CFTR: variants seen among roughly 807,000 people sequenced by gnomAD.
CFTR encodes the protein CF transmembrane conductance regulator, also known as cystic fibrosis transmembrane conductance regulator.
Under a neutral mutation model 171.6 loss-of-function variants are expected in CFTR, and 181 were observed. The ratio of observed to expected loss-of-function variants is 1.05; its 90% confidence interval spans 0.93 to 1.19. The LOEUF is 1.19. Ranked by LOEUF, CFTR falls within the 50% of genes most tolerant of loss-of-function variation. CFTR has a pLI of 0.00. For missense variants in CFTR, 1,968 were observed against 1,734.7 expected, an observed-to-expected ratio of 1.13 and a Z score of -2.39; for synonymous variants, 583 against 608.0, an observed-to-expected ratio of 0.96 and a Z score of 0.60.
intron 6 of CFTR, among the ~76,000 whole-genome samples, chr7:117,536,342 A>G (rs1287230599): frequency 1.3e-5 from 2 of 152,206 alleles, no homozygotes; most frequent in African/African-American, 2.4e-5. Context: ...GAGATAGCAT[A>G]TGGAATGAGT....
Position 117,606,800 on chromosome 7 carries a change from AC to A in CFTR, c.2988+48del, listed in dbSNP as rs780604505. ...TAAGTATGTCTGTATTATTAAAAAAACAATAACAAAAGCAAATGTGATTTTG... is the reference window on the plus strand; with the variant it reads ...TAAGTATGTCTGTATTATTAAAAAAAAATAACAAAAGCAAATGTGATTTTG... On this transcript the variant is annotated intron_variant, in intron 18 of 26. Transcript: ENST00000003084. The A allele has an allele frequency of 5.3e-5, 56 of 1,052,618 alleles. No individual in the cohort carries two copies. Among genetic ancestry groups the A allele is most frequent in the African/African-American group, 4.0e-4 (26 of 64,238 alleles). The allele number at this position is 1,052,618 out of a possible 1,614,324, so 65.2% of individuals were successfully genotyped here.
chr7:117,614,181 G>A (rs1792447771), intron 20 of CFTR, among the ~76,000 whole-genome samples: 1 of 151,894 alleles, frequency 6.6e-6, no homozygotes, highest in Non-Finnish European at 1.5e-5. Flanking sequence ...TGCAGATGCT[G>A]TTTGGACACT....
At chr7:117,666,825 C>T in intron 26 of CFTR, 83 bp from the exon 27 acceptor site, 1 of 1,174,830 alleles carries the variant, frequency 8.5e-7, no homozygotes. Context: ...CTTTTATTTT[C>T]CTTTGAGCCT....
At chr7:117,541,353 G>T (rs760808155) in intron 8 of CFTR, among the ~76,000 whole-genome samples, 32 of 152,284 alleles carry the variant, frequency 2.1e-4, no homozygotes, top group Non-Finnish European at 2.4e-4. Flanking sequence ...GGGAGAAAAT[G>T]AGAGAAACCA....
At chr7:117,498,956 A>G (rs188035941) in intron 1 of CFTR, among the ~76,000 whole-genome samples, 71 of 152,288 alleles carry the variant, frequency 4.7e-4, no homozygotes, top group African/African-American at 1.7e-3. Flanking sequence ...TAATTCCTCA[A>G]GTGTTAATTA....
intron 11 of CFTR, among the ~76,000 whole-genome samples, chr7:117,573,770 A>C (rs1791729711): frequency 6.6e-6 from 1 of 152,162 alleles, no homozygotes. Flanking sequence ...TTAATTGAAC[A>C]CAATATTAAA....
intron 1 of CFTR, 113 bp downstream of exon 1, chr7:117,480,260 A>G (rs1797981357): frequency 5.5e-6 from 5 of 912,996 alleles, no homozygotes; most frequent in Admixed American, 1.7e-5. Context: ...AAGATGCGCT[A>G]TCATTCATTG....
At chr7:117,618,478 T>TCACACACA (rs34610095) in intron 21 of CFTR, among the ~76,000 whole-genome samples, 3 of 148,208 alleles carry the variant, frequency 2.0e-5, no homozygotes, top group South Asian at 4.3e-4. Flanking sequence ...AGACTCCGTC[T>TCACACACA]CACACACACA....
chr7:117,553,694 T>A (rs1328320326), intron 10 of CFTR, among the ~76,000 whole-genome samples: 1 of 152,166 alleles, frequency 6.6e-6, no homozygotes, highest in African/African-American at 2.4e-5. Context: ...CAGGAGGAAT[T>A]TCTCTCTATA....
At chr7:117,526,091 C>G (rs1172870904) in intron 3 of CFTR, among the ~76,000 whole-genome samples, 1 of 151,308 alleles carries the variant, frequency 6.6e-6, no homozygotes, top group Non-Finnish European at 1.5e-5. Flanking sequence ...GTGACAAAAT[C>G]TCTCAGCATT....
chr7:117,524,039 C>T (rs1192122778), intron 3 of CFTR, among the ~76,000 whole-genome samples: 1 of 152,058 alleles, frequency 6.6e-6, no homozygotes, highest in African/African-American at 2.4e-5. Context: ...TATTGTTTAT[C>T]AGTAGTTCTA....
intron 10 of CFTR, among the ~76,000 whole-genome samples, chr7:117,552,550 T>A (rs771040112): frequency 9.7e-4 from 148 of 152,224 alleles, no homozygotes; most frequent in Non-Finnish European, 1.6e-3. Context: ...TATTAAAATT[T>A]AAAAATGAAA....
intron 11 of CFTR, among the ~76,000 whole-genome samples, chr7:117,567,026 AG>A (rs1280063004): frequency 9.9e-5 from 15 of 152,206 alleles, no homozygotes; most frequent in African/African-American, 3.4e-4. Flanking sequence ...GCTGTCTAGG[AG>A]CAAACTATCC....
At chr7:117,642,376 A>C in intron 22 of CFTR, 62 bp from the exon 23 acceptor site, 1 of 1,441,058 alleles carries the variant, frequency 6.9e-7, no homozygotes, top group Admixed American at 1.7e-5. Flanking sequence ...ACAATACTGA[A>C]TTATGTTTAT....
rs148505224 is a variant in CFTR, at chr7:117,532,167, G to A, written c.489+1053G>A. ...CAAGTACCAGCAAAACATGTGATAA[G>A]TCAACAAATGTTTTATTTCAATCTG... On this transcript the variant is annotated intron_variant, in intron 4 of 26. Transcript: ENST00000003084. 4.4e-3 allele frequency among the ~76,000 whole-genome samples: 676 copies of A among 151,956 alleles called. 2 individuals are homozygous for A. The highest frequency in any genetic ancestry group is 7.2e-3 in the Non-Finnish European group (486 of 67,970).
rs771512600 is a variant in CFTR at position 117,531,028 on chromosome 7, A to T, written c.403A>T (p.Thr135Ser). 15 of 1,613,804 alleles carry T rather than the reference A, an allele frequency of 9.3e-6. No homozygotes were observed. The highest frequency in any genetic ancestry group is 1.3e-5 in the Non-Finnish European group (15 of 1,179,852). The change falls in exon 4 of 27, where the codon ACA (threonine) becomes TCA (serine). Residue 135 changes from threonine (T) to serine (S), a missense_variant. Coordinates refer to ENST00000003084, the MANE Select transcript of CFTR (RefSeq NM_000492.4). ...CTTATGCCTTCTCTTTATTGTGAGG[A>T]CACTGCTCCTACACCCAGCCATTTT... The part of the protein sequence containing the change: ...IGLCLLFIVR[T>S]LLLHPAIFGL...
In CFTR at chr7:117,594,976, G is replaced by T; in HGVS notation, c.2537G>T (p.Trp846Leu). The stretch of plus-strand genomic sequence containing the variant: ...GAGAGCATACCAGCAGTGACTACAT[G>T]GAACACATACCTTCGATATATTACT... ...DMESIPAVTT[W>L]NTYLRYITVH... is the part of the protein sequence containing the mutation. Residue 846 changes from tryptophan to leucine, a missense_variant, in exon 15 of 27, where the codon TGG becomes TTG. Trp to Leu is a moderately conservative substitution (Grantham distance 61). Coordinates refer to ENST00000003084, the MANE Select transcript of CFTR (RefSeq NM_000492.4). 6.2e-7 allele frequency: 1 copy of T among 1,612,760 alleles called. No individual in the cohort carries two copies. The highest frequency in any genetic ancestry group is 1.1e-5 in the South Asian group (1 of 91,044).
chr7:117,589,506 A>G (rs187496561), intron 12 of CFTR, among the ~76,000 whole-genome samples: 218 of 152,118 alleles, frequency 1.4e-3, no homozygotes, highest in African/African-American at 4.9e-3. Flanking sequence ...AAAAATTTAA[A>G]TGTTATGAAG....
intron 11 of CFTR, among the ~76,000 whole-genome samples, chr7:117,568,380 G>A (rs1337915860): frequency 1.3e-5 from 2 of 152,040 alleles, no homozygotes; most frequent in Non-Finnish European, 2.9e-5. Flanking sequence ...ATGGAGTATT[G>A]GAGGAGCGGT....
Sources: allele counts gnomAD v4.1 joint callset (sites outside exome capture counted in the v4.1 genomes callset), GRCh38; gene constraint gnomAD v4.1.1; transcripts MANE v1.5; gene names NCBI Gene and HGNC (gene_info 2026-07-23, HGNC 2026-07-21).